Variants in LRP1 observed in about 807,000 individuals in gnomAD.
The protein encoded by LRP1 is LDL receptor related protein 1, also known as prolow-density lipoprotein receptor-related protein 1.
In LRP1, 51 loss-of-function variants were observed where a neutral mutation model predicts 541.5. The ratio of observed to expected loss-of-function variants is 0.09; its 90% CI spans 0.08 to 0.12. LRP1 has a LOEUF of 0.12. Among genes scored for constraint, LRP1 ranks in the 10% least tolerant of loss-of-function variants. The pLI is 1.00. For synonymous variants in LRP1, 2,219 were observed against 2,470.8 expected (o/e 0.90, Z 3.02); for missense variants, 3,878 against 6,376.2 (o/e 0.61, Z 13.34).
chr12:57,159,080 G>T (rs1026305768), intron 11 of LRP1, among the ~76,000 whole-genome samples: 1 of 152,222 alleles, frequency 6.6e-6, no homozygotes, highest in Non-Finnish European at 1.5e-5. Context: ...ATTGTGTTTT[G>T]TGAGTTGCAT....
rs751158586 is a variant in LRP1, at chr12:57,179,824, G to A, written c.5009G>A (p.Arg1670Gln). The A allele has an allele frequency of 1.5e-5, 25 of 1,614,120 alleles. No individual in the cohort carries two copies. The highest frequency in any genetic ancestry group is 4.4e-5 in the South Asian group (4 of 91,078). The change falls in exon 30 of 89, where the codon CGA (arginine) becomes CAA (glutamine). Residue 1670 changes from arginine to glutamine, a missense_variant. Coordinates refer to ENST00000243077, the MANE Select transcript of LRP1 (RefSeq NM_002332.3). The surrounding 1 kb of genome is among the most constrained non-coding windows in gnomAD (Gnocchi z 6.8). ...GGGCTGGCTGTGGACTGGGTCTCCC[G>A]AAACCTGTTCTGGACAAGCTATGAC... ...AHGLAVDWVS[R>Q]NLFWTSYDTN...
At chr12:57,143,865 G>C in intron 4 of LRP1, 67 bp downstream of exon 4, 2 of 1,529,096 alleles carry the variant, frequency 1.3e-6, no homozygotes, top group Non-Finnish European at 1.8e-6. Flanking sequence ...GGCAGGGAGG[G>C]GCAGAGAGGG....
chr12:57,209,262 G>A (rs1265720101), intron 79 of LRP1, 63 bp downstream of exon 79: 3 of 1,329,694 alleles, frequency 2.3e-6, no homozygotes, highest in Non-Finnish European at 3.2e-6. Context: ...CCTCCCTACT[G>A]AGCCAAAGGC....
intron 2 of LRP1, among the ~76,000 whole-genome samples, chr12:57,140,985 C>T (rs36126525): frequency 0.013 from 1,932 of 152,238 alleles, 55 homozygotes; most frequent in African/African-American, 0.045. Context: ...CTGCCCGCCT[C>T]AGCCTCCCAA....
chr12:57,207,283 T>TAAATAAATA (rs1565755830), intron 76 of LRP1, among the ~76,000 whole-genome samples: 1 of 130,678 alleles, frequency 7.7e-6, no homozygotes, highest in Non-Finnish European at 1.6e-5. Flanking sequence ...AATAAATAAA[T>TAAATAAATA]AGAGACTCGG....
In LRP1 at chr12:57,202,543, T is replaced by TGGCC; in HGVS notation, c.10711+6_10711+7insGGCC. The TGGCC allele has an allele frequency of 3.5e-5, 53 of 1,523,516 alleles. No homozygotes were observed. Among genetic ancestry groups the TGGCC allele is most frequent in the Non-Finnish European group, 4.3e-5 (48 of 1,124,698 alleles). 94.4% of individuals were successfully genotyped at this position (1,523,516 alleles called of 1,614,324 possible). On this transcript the variant is annotated splice_region_variant and intron_variant, in intron 68 of 88. Coordinates refer to ENST00000243077, the MANE Select transcript of LRP1 (RefSeq NM_002332.3). The stretch of plus-strand genomic sequence containing the variant: ...CTCCGATGAAGAGAGCTGCAGTACG[T>TGGCC]CCCCACCCACCCAGCCCCGCATGAG...
Position 57,195,004 on chromosome 12 carries a change from C to T in LRP1, c.8211C>T (p.Ala2737=), listed in dbSNP as rs2036499028. 2 of 1,613,966 alleles carry T rather than the reference C, an allele frequency of 1.2e-6. No homozygotes were observed. Among genetic ancestry groups the T allele is most frequent in the Non-Finnish European group, 8.5e-7 (1 of 1,179,922 alleles). The change falls in exon 51 of 89, where the codon GCC becomes GCT. Residue 2737 remains alanine, a synonymous_variant. Transcript: ENST00000243077. ...ETHCNKFCSE[A]QFECQNHRCI... Reference sequence around the variant, plus strand: ...CCCCAGACAAGTTCTGCTCAGAGGCCCAGTTTGAGTGCCAGAACCATCGCT... The same window carrying T: ...CCCCAGACAAGTTCTGCTCAGAGGCTCAGTTTGAGTGCCAGAACCATCGCT...
At chr12:57,163,439 C>T (rs918562856) in intron 15 of LRP1, among the ~76,000 whole-genome samples, 10 of 151,894 alleles carry the variant, frequency 6.6e-5, no homozygotes, top group Admixed American at 5.2e-4. Context: ...ATTAGCCAAG[C>T]GTGGTGGCAG....
At chr12:57,199,849 C>T (rs1177608250) in intron 61 of LRP1, 28 bp from the exon 62 acceptor site, 2 of 1,564,586 alleles carry the variant, frequency 1.3e-6, no homozygotes, top group East Asian at 4.6e-5. Context: ...GAAAATGTCA[C>T]CATATTTCAC....
intron 61 of LRP1, 88 bp downstream of exon 61, chr12:57,199,488 A>G (rs867549927): frequency 1.3e-5 from 18 of 1,409,968 alleles, no homozygotes; most frequent in Non-Finnish European, 1.5e-5. Flanking sequence ...TCTAGCATTG[A>G]CCAAGCCCTC....
intron 52 of LRP1, 126 bp downstream of exon 52, chr12:57,195,525 T>A: frequency 5.7e-6 from 9 of 1,570,460 alleles, no homozygotes; most frequent in Non-Finnish European, 7.8e-6. Flanking sequence ...GAGCCATAGC[T>A]GTAGCCCAGG....
In LRP1 at chr12:57,162,962, G is replaced by A. The variant is rs765033760; in HGVS notation, c.2509G>A (p.Ala837Thr). ...CTGTGCTGAGGACCAGGTGTTGGAC[G>A]CAGACGGCGTCACTTGCTTGGGTAT... ...CACAEDQVLD[A>T]DGVTCLANPS... The change falls in exon 15 of 89, where the codon GCA (alanine) becomes ACA (threonine). Residue 837 changes from alanine (A) to threonine (T), a missense_variant. Transcript: ENST00000243077. This position sits in a 1 kb window ranked among gnomAD's most constrained non-coding sequence, Gnocchi z 5.2. 3.7e-6 allele frequency: 6 copies of A among 1,604,862 alleles called. No individual in the cohort carries two copies. The highest frequency in any genetic ancestry group is 1.7e-4 in the Middle Eastern group (1 of 6,054).
At position 57,201,771 on chromosome 12, in the gene LRP1, C is replaced by G. The variant is rs374962783; in HGVS notation, c.10469-9C>G. On this transcript the variant is annotated splice_polypyrimidine_tract_variant and intron_variant, in intron 66 of 88. Transcript: ENST00000243077. This position sits in a 1 kb window ranked among gnomAD's most constrained non-coding sequence, Gnocchi z 6.4. ...GTCTCATCCTCACCCCATGCCCACCCGCTTGCAGCCCAGATGACCTGTGGT... is the reference window on the plus strand; with the variant it reads ...GTCTCATCCTCACCCCATGCCCACCGGCTTGCAGCCCAGATGACCTGTGGT... 6.2e-7 allele frequency: 1 copy of G among 1,613,856 alleles called. No individual in the cohort carries two copies. The highest frequency in any genetic ancestry group is 2.2e-5 in the East Asian group (1 of 44,880).
At chr12:57,202,558 C>T (rs1361954147) in intron 68 of LRP1, 21 bp downstream of exon 68, 2 of 1,513,012 alleles carry the variant, frequency 1.3e-6, no homozygotes, top group Non-Finnish European at 1.8e-6. Flanking sequence ...ACCCACCCAG[C>T]CCCGCATGAG....
In LRP1 at chr12:57,205,562, C is replaced by T. The variant is rs1283321349; in HGVS notation, c.11475C>T (p.Ile3825=). 1.2e-6 allele frequency: 2 copies of T among 1,614,000 alleles called. No individual in the cohort carries two copies. Among genetic ancestry groups the T allele is most frequent in the East Asian group, 4.5e-5 (2 of 44,884 alleles). Residue 3825 remains isoleucine (I), a synonymous_variant, in exon 75 of 89, where the codon ATC becomes ATT. Coordinates refer to ENST00000243077, the MANE Select transcript of LRP1 (RefSeq NM_002332.3). This position sits in a 1 kb window ranked among gnomAD's most constrained non-coding sequence, Gnocchi z 4.6. ...GACCCTCCCTGTAACCCTTAGACATCAACGAGTGCCTGCGCTTCGGCACCT... is the reference window on the plus strand; with the variant it reads ...GACCCTCCCTGTAACCCTTAGACATTAACGAGTGCCTGCGCTTCGGCACCT... The part of the protein sequence containing the change: ...TVPGQPGCQD[I]NECLRFGTCS...
At chr12:57,132,593 C>T (rs2035059857) in intron 1 of LRP1, among the ~76,000 whole-genome samples, 1 of 152,194 alleles carries the variant, frequency 6.6e-6, no homozygotes, top group African/African-American at 2.4e-5. Flanking sequence ...GACTGAGCCC[C>T]CTTCCTGGCT....
chr12:57,185,701 A>G lies in LRP1; in HGVS notation c.6634A>G (p.Ile2212Val). 1 of 1,614,186 alleles carries G rather than the reference A, an allele frequency of 6.2e-7. No homozygotes were observed. The highest frequency in any genetic ancestry group is 8.5e-7 in the Non-Finnish European group (1 of 1,180,028). Residue 2212 changes from isoleucine (I) to valine (V), a missense_variant, in exon 41 of 89, where the codon ATC becomes GTC. Physicochemically the swap from Ile to Val is conservative, Grantham distance 29. This residue lies in a region of LRP1 where 1,100 missense variants were observed against 1,827.4 expected (regional missense o/e 0.60). Transcript: ENST00000243077. The surrounding 1 kb of genome is among the most constrained non-coding windows in gnomAD (Gnocchi z 4.9). ...LYSERTILKS[I>V]HLSDERNLNA... ...CTCAGAGCGCACCATTCTCAAGAGT[A>G]TCCACCTGTCGGATGAGCGCAACCT...
chr12:57,136,075 C>T (rs1227137831), intron 1 of LRP1, among the ~76,000 whole-genome samples: 2 of 152,250 alleles, frequency 1.3e-5, no homozygotes, highest in Admixed American at 1.3e-4. Flanking sequence ...CAGCCGGCCA[C>T]GGCTGGTCAG....
In LRP1 at chr12:57,178,431, G is replaced by C; in HGVS notation, c.4434G>C (p.Leu1478=). The C allele has an allele frequency of 1.2e-6, 2 of 1,614,240 alleles. No individual in the cohort carries two copies. Among genetic ancestry groups the C allele is most frequent in the South Asian group, 2.2e-5 (2 of 91,092 alleles). Residue 1478 remains leucine, a synonymous_variant, in exon 27 of 89, where the codon CTG becomes CTC. Transcript: ENST00000243077. The surrounding 1 kb of genome is among the most constrained non-coding windows in gnomAD (Gnocchi z 5.8). ...HMEVLRGHEF[L]SHPFAVTLYG... is the part of the protein sequence containing the mutation. The stretch of plus-strand genomic sequence containing the variant: ...AGGTGCTTCGGGGACACGAGTTCCT[G>C]TCGCACCCGTTTGCAGTGACGCTGT...
Sources: allele counts gnomAD v4.1 joint callset (sites outside exome capture counted in the v4.1 genomes callset), GRCh38; gene constraint gnomAD v4.1.1; regional missense constraint gnomAD v4.1.1; non-coding constraint Gnocchi (gnomAD v3.1); transcripts MANE v1.5; gene names NCBI Gene and HGNC (gene_info 2026-07-23, HGNC 2026-07-21).